PLEKHM1: variants seen among roughly 807,000 people sequenced by gnomAD.
PLEKHM1 encodes pleckstrin homology domain-containing family M member 1.
PLEKHM1 carries 28 observed loss-of-function variants against 94.3 expected under a neutral mutation model. The ratio of observed to expected loss-of-function variants is 0.30; its 90% CI spans 0.22 to 0.41. PLEKHM1 has a LOEUF of 0.41. Ranked by LOEUF, PLEKHM1 falls within the 10% of genes least tolerant of loss-of-function variation. The pLI is 1.00. For missense variants in PLEKHM1, 907 were observed against 1,358.6 expected, an observed-to-expected ratio of 0.67 and a Z score of 5.22; for synonymous variants, 424 against 581.2, an observed-to-expected ratio of 0.73 and a Z score of 3.89.
Position 45,436,699 on chromosome 17 carries a change from C to T in PLEKHM1, c.*1159G>A, listed in dbSNP as rs1295823219. 2.2e-6 allele frequency: 1 copy of T among 454,026 alleles called. No homozygotes were observed. Among genetic ancestry groups the T allele is most frequent in the African/African-American group, 2.0e-5 (1 of 50,010 alleles). The allele number at this position is 454,026 out of a possible 1,614,324, so 28.1% of individuals were successfully genotyped here. On this transcript the variant is annotated 3_prime_UTR_variant, in exon 12 of 12. Transcript: ENST00000430334. ...CCCCAAGGCCCCTTCAAAGGCAGTC[C>T]TGCTCCGGGGAACTTCTTCAGTCTC...
intron 1 of PLEKHM1, among the ~76,000 whole-genome samples, chr17:45,484,866 C>T (rs563937197): frequency 5.4e-4 from 82 of 151,494 alleles, no homozygotes; most frequent in African/African-American, 1.9e-3. Context: ...GGAAAGCAGA[C>T]AGGCAGGCTG....
chr17:45,438,489 A>G (rs534865065), intron 11 of PLEKHM1, among the ~76,000 whole-genome samples: 3 of 151,328 alleles, frequency 2.0e-5, no homozygotes, highest in Non-Finnish European at 4.4e-5. Flanking sequence ...CCGAGACTGC[A>G]CCATTGCACT....
At chr17:45,434,439 C>T (rs866099511), downstream of PLEKHM1, 4 of 152,174 alleles carry the variant, frequency 2.6e-5, no homozygotes, top group Non-Finnish European at 4.4e-5. Flanking sequence ...ATGCCCAGCG[C>T]ACACAATATA....
intron 1 of PLEKHM1, 126 bp from the exon 2 acceptor site, chr17:45,482,651 A>G: frequency 1.4e-6 from 1 of 704,074 alleles, no homozygotes; most frequent in Non-Finnish European, 2.6e-6. Flanking sequence ...CCTTTGCAGA[A>G]CACAAAAGTA....
At chr17:45,442,723 C>A (rs148129696) in intron 9 of PLEKHM1, among the ~76,000 whole-genome samples, 145 of 152,264 alleles carry the variant, frequency 9.5e-4, no homozygotes, top group African/African-American at 3.2e-3. Context: ...GTGGTCTTTT[C>A]TAAGCCGCTG....
At chr17:45,472,433 G>A (rs1364208365) in intron 4 of PLEKHM1, among the ~76,000 whole-genome samples, 1 of 152,134 alleles carries the variant, frequency 6.6e-6, no homozygotes, top group African/African-American at 2.4e-5. Context: ...CCTTAAGCTG[G>A]AATTTTCCAT....
chr17:45,440,687 G>C, intron 9 of PLEKHM1: 2 of 228,628 alleles, frequency 8.7e-6, no homozygotes, highest in Non-Finnish European at 1.8e-5. Flanking sequence ...AGGAAACAGA[G>C]AGGTTAAATC....
At position 45,475,201 on chromosome 17, in the gene PLEKHM1, T is replaced by C. The variant is rs1427130124; in HGVS notation, c.822A>G (p.Gln274=). 3 of 1,613,980 alleles carry C rather than the reference T, an allele frequency of 1.9e-6. No individual in the cohort carries two copies. The South Asian group carries it at 3.3e-5, about 18-fold the overall frequency. Residue 274 remains glutamine (Q), a synonymous_variant, in exon 4 of 12, where the codon CAA becomes CAG. Transcript: ENST00000430334. ...CSLNSDSCLL[Q]ENGSKSPDHC... is the part of the protein sequence containing the mutation. ...GGTCTGGACTCTTGGAGCCATTCTC[T>C]TGGAGTAAGCAGCTATCAGAGTTTA... is the stretch of plus-strand genomic sequence containing the variant.
intron 9 of PLEKHM1, among the ~76,000 whole-genome samples, chr17:45,441,610 C>G (rs2050449866): frequency 6.6e-6 from 1 of 152,106 alleles, no homozygotes; most frequent in Non-Finnish European, 1.5e-5. Context: ...GCCCTGGGAG[C>G]CCCTGTGCCC....
At chr17:45,443,834 C>T (rs1017362012) in intron 9 of PLEKHM1, among the ~76,000 whole-genome samples, 3 of 152,100 alleles carry the variant, frequency 2.0e-5, no homozygotes, top group African/African-American at 4.8e-5. Context: ...AGTAAGTCAG[C>T]GCTTGCCAAG....
At chr17:45,471,269 A>C (rs2051501218) in intron 4 of PLEKHM1, among the ~76,000 whole-genome samples, 1 of 150,336 alleles carries the variant, frequency 6.7e-6, no homozygotes, top group African/African-American at 2.5e-5. Context: ...CACTGGGTTG[A>C]TTGTAATAAA....
At chr17:45,443,681 T>A (rs2050517361) in intron 9 of PLEKHM1, among the ~76,000 whole-genome samples, 1 of 151,644 alleles carries the variant, frequency 6.6e-6, no homozygotes, top group African/African-American at 2.4e-5. Context: ...TCTACACAGG[T>A]CTGCATGCCT....
At chr17:45,438,078 G>A in intron 11 of PLEKHM1, 109 bp from the exon 12 acceptor site, 3 of 803,490 alleles carry the variant, frequency 3.7e-6, no homozygotes, top group South Asian at 1.4e-5. Flanking sequence ...GTGATGTACT[G>A]TGTAACCCAT....
chr17:45,481,363 T>A (rs1220999149), intron 2 of PLEKHM1, among the ~76,000 whole-genome samples: 1 of 151,626 alleles, frequency 6.6e-6, no homozygotes, highest in Non-Finnish European at 1.5e-5. Flanking sequence ...TCTTTTCATT[T>A]TCTTGGTAGT....
Position 45,477,884 on chromosome 17 carries a change from T to C in PLEKHM1, c.296+16A>G. ...CTGCTCCTCCGCAAAGCAAAACCTCTCCAGCTAAATCTCACTTGTGGGTGA... is the reference window on the plus strand; with the variant it reads ...CTGCTCCTCCGCAAAGCAAAACCTCCCCAGCTAAATCTCACTTGTGGGTGA... On this transcript the variant is annotated intron_variant, in intron 3 of 11. Coordinates refer to ENST00000430334, the MANE Select transcript of PLEKHM1 (RefSeq NM_014798.3). 2 of 1,613,450 alleles carry C rather than the reference T, an allele frequency of 1.2e-6. No homozygotes were observed. The highest frequency in any genetic ancestry group is 1.7e-6 in the Non-Finnish European group (2 of 1,179,772).
chr17:45,482,868 C>T (rs905637209), intron 1 of PLEKHM1, among the ~76,000 whole-genome samples: 9 of 151,530 alleles, frequency 5.9e-5, no homozygotes, highest in South Asian at 2.1e-4. Context: ...GATTCAGATA[C>T]GGAGCTGCAG....
At chr17:45,452,348 C>G (rs565520345) in intron 7 of PLEKHM1, among the ~76,000 whole-genome samples, 2 of 134,152 alleles carry the variant, frequency 1.5e-5, no homozygotes, top group East Asian at 4.2e-4. Flanking sequence ...CTTTGGGAGG[C>G]TGAAGCAGGA....
intron 8 of PLEKHM1, chr17:45,446,177 G>A (rs1384015355): frequency 4.8e-6 from 1 of 207,252 alleles, no homozygotes; most frequent in Non-Finnish European, 9.9e-6. Flanking sequence ...GCAACACCGG[G>A]ACTCCGTGTG....
chr17:45,439,410 C>T, intron 11 of PLEKHM1, 67 bp downstream of exon 11: 2 of 1,570,582 alleles, frequency 1.3e-6, no homozygotes, highest in African/African-American at 1.3e-5. Context: ...GCCCTGCGTG[C>T]TTGGGCCAGG....
Sources: allele counts gnomAD v4.1 joint callset (sites outside exome capture counted in the v4.1 genomes callset), GRCh38; gene constraint gnomAD v4.1.1; transcripts MANE v1.5; gene names NCBI Gene and HGNC (gene_info 2026-07-23, HGNC 2026-07-21).